MINK1: variants seen among roughly 807,000 people sequenced by gnomAD.
MINK1 encodes the protein misshapen-like kinase 1.
In MINK1, 46 loss-of-function variants were observed where a neutral mutation model predicts 178.4. That is an observed-to-expected ratio of 0.26 (90% CI 0.20 to 0.33). MINK1 has a LOEUF of 0.33. Among genes scored for constraint, MINK1 ranks in the 10% least tolerant of loss-of-function variants. The probability of loss-of-function intolerance (pLI) is 1.00; values close to 1 mark genes in which losing one functional copy is unlikely to be tolerated. For missense variants in MINK1, 1,366 were observed against 1,814.9 expected (o/e 0.75, Z 4.49); for synonymous variants, 797 against 709.7 (o/e 1.12, Z -1.96).
chr17:4,885,090 C>T lies in MINK1; in HGVS notation c.508+88C>T. 1.6e-6 allele frequency: 2 copies of T among 1,232,556 alleles called. No individual in the cohort carries two copies. Among genetic ancestry groups the T allele is most frequent in the South Asian group, 1.3e-5 (1 of 76,956 alleles). The allele number at this position is 1,232,556 out of a possible 1,614,324, so 76.4% of individuals were successfully genotyped here. ...CCCTTTTTCTCTCTGGTGGCTCAGG[C>T]CCAACTCCCTTCCTACTGGGGAGGC... On this transcript the variant is annotated intron_variant, in intron 6 of 31. Transcript: ENST00000355280. The surrounding 1 kb of genome is among the most constrained non-coding windows in gnomAD (Gnocchi z 5.0).
At position 4,893,495 on chromosome 17, in the gene MINK1, T is replaced by C. The variant is rs1320642869; in HGVS notation, c.2462T>C (p.Met821Thr). 1.9e-6 allele frequency: 3 copies of C among 1,599,976 alleles called. No individual in the cohort carries two copies. The highest frequency in any genetic ancestry group is 1.7e-6 in the Non-Finnish European group (2 of 1,169,306). Residue 821 changes from methionine to threonine, a missense_variant, in exon 21 of 32, where the codon ATG becomes ACG. Around this residue, in one of 14 missense-constraint regions of MINK1, gnomAD observed 709 missense variants for 692.3 expected, o/e 1.02. Coordinates refer to ENST00000355280, the MANE Select transcript of MINK1 (RefSeq NM_153827.5). ...DEAPRPPKKA[M>T]DYSSSSEEVE... ...GCCCCTCGGCCTCCCAAGAAGGCCA[T>C]GGACTACTCGTCGTCCAGCGAGGAG...
chr17:4,868,185 C>G (rs1390977932), intron 1 of MINK1, among the ~76,000 whole-genome samples: 1 of 152,164 alleles, frequency 6.6e-6, no homozygotes, highest in Non-Finnish European at 1.5e-5. Flanking sequence ...CCCAGTTGGC[C>G]AGGCTGGTCT....
At chr17:4,843,392 C>T (rs899872815) in intron 1 of MINK1, among the ~76,000 whole-genome samples, 1 of 151,744 alleles carries the variant, frequency 6.6e-6, no homozygotes, top group African/African-American at 2.4e-5. Flanking sequence ...GCAGGAGAAT[C>T]GCTTGAACTC....
In MINK1 at chr17:4,876,558, C is replaced by A. The variant is rs189717482; in HGVS notation, c.58-1759C>A. Reference sequence around the variant, plus strand: ...TCAGTGGATGAAGTGCTTTTATTGGCATGGATGTGGGCTTTTTTGGTCGTG... The same window carrying A: ...TCAGTGGATGAAGTGCTTTTATTGGAATGGATGTGGGCTTTTTTGGTCGTG... On this transcript the variant is annotated intron_variant, in intron 1 of 31. Coordinates refer to ENST00000355280, the MANE Select transcript of MINK1 (RefSeq NM_153827.5). Among the ~76,000 whole-genome samples the A allele has an allele frequency of 5.8e-4, 88 of 152,182 alleles. 3 individuals carry two copies. Among genetic ancestry groups the A allele is most frequent in the Admixed American group, 5.6e-3 (85 of 15,292 alleles).
At chr17:4,867,928 C>G (rs1268022868) in intron 1 of MINK1, among the ~76,000 whole-genome samples, 1 of 151,858 alleles carries the variant, frequency 6.6e-6, no homozygotes, top group Non-Finnish European at 1.5e-5. Flanking sequence ...CATCCATTAC[C>G]TCAAACGCTT....
chr17:4,891,815 C>CACAT (rs2151047771), intron 16 of MINK1, 99 bp downstream of exon 16: 1 of 1,437,600 alleles, frequency 7.0e-7, no homozygotes, highest in African/African-American at 1.4e-5. Flanking sequence ...GAGTGCAGGG[C>CACAT]GGGAAGCGAG....
rs771062148 is a variant in MINK1, at chr17:4,890,463, C to CT, written c.1348-53dup. The CT allele has an allele frequency of 4.5e-6, 7 of 1,538,980 alleles. No individual in the cohort carries two copies. The African/African-American group carries it at 6.9e-5, about 15-fold the overall frequency. ...GGAGAAAAGAGAGGGCATGCCTGCT[C>CT]TAACTCCCAGGGCCACACCCTGCTG... On this transcript the variant is annotated intron_variant, in intron 13 of 31. Coordinates refer to ENST00000355280, the MANE Select transcript of MINK1 (RefSeq NM_153827.5).
chr17:4,878,357 A>G lies in MINK1; in HGVS notation c.98A>G (p.Asn33Ser), dbSNP rs1260392806. The G allele has an allele frequency of 2.6e-6, 4 of 1,537,376 alleles. No homozygotes were observed. Among genetic ancestry groups the G allele is most frequent in the African/African-American group, 1.4e-5 (1 of 73,166 alleles). The change falls in exon 2 of 32, where the codon AAT becomes AGT. Residue 33 changes from asparagine (N) to serine (S), a missense_variant. Asn to Ser is a conservative substitution (Grantham distance 46). Coordinates refer to ENST00000355280, the MANE Select transcript of MINK1 (RefSeq NM_153827.5). Reference sequence around the variant, plus strand: ...TTTGAGCTTGTGGAGGTGGTCGGCAATGGAACCTACGGACAGGTGTACAAG... The same window carrying G: ...TTTGAGCTTGTGGAGGTGGTCGGCAGTGGAACCTACGGACAGGTGTACAAG... ...GIFELVEVVG[N>S]GTYGQVYKGR...
chr17:4,863,805 T>TTATTA (rs1486396685), intron 1 of MINK1, among the ~76,000 whole-genome samples: 2 of 107,382 alleles, frequency 1.9e-5, no homozygotes, highest in African/African-American at 6.2e-5. Flanking sequence ...TATTATTATT[T>TTATTA]TTGAGACGGA....
rs745574438 is a variant in MINK1, at chr17:4,896,492, C to G, written c.3679C>G (p.Leu1227Val). The G allele has an allele frequency of 1.2e-6, 2 of 1,613,826 alleles. No homozygotes were observed. Among genetic ancestry groups the G allele is most frequent in the African/African-American group, 1.3e-5 (1 of 74,900 alleles). Residue 1227 changes from leucine to valine, a missense_variant, in exon 30 of 32, where the codon CTG becomes GTG. Leu to Val is a conservative substitution (Grantham distance 32). Around this residue, in one of 14 missense-constraint regions of MINK1, gnomAD observed 201 missense variants for 240.7 expected, o/e 0.84. Coordinates refer to ENST00000355280, the MANE Select transcript of MINK1 (RefSeq NM_153827.5). The surrounding 1 kb of genome is among the most constrained non-coding windows in gnomAD (Gnocchi z 4.6). ...CCCCAACACCGACGGCATGGAGATG[C>G]TGCTGTGCTACGAGGACGAGGGTGT... ...FLPNTDGMEM[L>V]LCYEDEGVYV...
rs1264903267 is a variant in MINK1 at position 4,887,575 on chromosome 17, C to T, written c.1020-5C>T. On this transcript the variant is annotated splice_polypyrimidine_tract_variant and splice_region_variant and intron_variant, in intron 11 of 31. Coordinates refer to ENST00000355280, the MANE Select transcript of MINK1 (RefSeq NM_153827.5). The surrounding 1 kb of genome is among the most constrained non-coding windows in gnomAD (Gnocchi z 7.6). ...CCAGTGCTTCTTTGTGCCACCCCTG[C>T]CCAGCTCCATCATGAACGTGCCTGG... 1.3e-6 allele frequency: 2 copies of T among 1,512,684 alleles called. No individual in the cohort carries two copies. The highest frequency in any genetic ancestry group is 2.3e-5 in the Admixed American group (1 of 43,670). 93.7% of individuals were successfully genotyped at this position (1,512,684 alleles called of 1,614,324 possible).
At chr17:4,890,825 C>T (rs914516730) in intron 14 of MINK1, 90 bp downstream of exon 14, 3 of 1,513,502 alleles carry the variant, frequency 2.0e-6, no homozygotes, top group African/African-American at 1.4e-5. Context: ...CAGTAGCAGG[C>T]ACCAAGTAGG....
At position 4,891,031 on chromosome 17, in the gene MINK1, C is replaced by T. The variant is rs951629370; in HGVS notation, c.1647C>T (p.Pro549=). Residue 549 remains proline, a synonymous_variant, in exon 15 of 32, where the codon CCC becomes CCT. Transcript: ENST00000355280. The part of the protein sequence containing the change: ...KSKPGSTGPE[P]PIPQASPGPP... ...AGCCAGGCAGCACGGGGCCTGAGCC[C>T]CCCATCCCCCAGGCCTCCCCAGGGC... 1.1e-5 allele frequency: 17 copies of T among 1,557,252 alleles called. No individual in the cohort carries two copies. The highest frequency in any genetic ancestry group is 2.7e-5 in the African/African-American group (2 of 73,244).
chr17:4,837,597 T>A (rs529773579), intron 1 of MINK1, among the ~76,000 whole-genome samples: 1 of 152,248 alleles, frequency 6.6e-6, no homozygotes, highest in Non-Finnish European at 1.5e-5. Context: ...GAGAACCTTC[T>A]GACTTGGAAC....
chr17:4,880,280 G>A (rs554996717), intron 2 of MINK1, among the ~76,000 whole-genome samples: 24 of 151,624 alleles, frequency 1.6e-4, no homozygotes, highest in Admixed American at 1.4e-3. Flanking sequence ...ACAATGAGGG[G>A]TACTTGCTTT....
rs1034971368 is a variant in MINK1, at chr17:4,895,008, A to T, written c.2918-67A>T. The T allele has an allele frequency of 1.3e-6, 2 of 1,539,734 alleles. No individual in the cohort carries two copies. The highest frequency in any genetic ancestry group is 2.7e-5 in the African/African-American group (2 of 73,370). ...GAGGTGCCAAGACCTGATATAGGGG[A>T]TGGAGGTAAAAAGAGATGGGGTGAG... is the stretch of plus-strand genomic sequence containing the variant. On this transcript the variant is annotated intron_variant, in intron 24 of 31. Transcript: ENST00000355280. The surrounding 1 kb of genome is among the most constrained non-coding windows in gnomAD (Gnocchi z 4.3).
At position 4,857,161 on chromosome 17, in the gene MINK1, C is replaced by T. The variant is rs1913288405; in HGVS notation, c.58-21156C>T. The T allele has an allele frequency of 2.2e-5, 6 of 278,380 alleles. No homozygotes were observed. The South Asian group carries it at 2.3e-4, about 10-fold the overall frequency. The allele number at this position is 278,380 out of a possible 1,614,324, so 17.2% of individuals were successfully genotyped here. On this transcript the variant is annotated intron_variant, in intron 1 of 31. Coordinates refer to ENST00000355280, the MANE Select transcript of MINK1 (RefSeq NM_153827.5). ...TTCAGGGAGTTGGCAGGGGGGACAG[C>T]CGCCACTAGGCCATAGATGGTGATG...
chr17:4,875,780 T>A (rs1463612225), intron 1 of MINK1, among the ~76,000 whole-genome samples: 5 of 151,350 alleles, frequency 3.3e-5, no homozygotes, highest in Non-Finnish European at 7.4e-5. Context: ...TCAAAAAAAA[T>A]GAATAAATTT....
At chr17:4,850,404 T>G (rs1334870309) in intron 1 of MINK1, among the ~76,000 whole-genome samples, 3 of 152,102 alleles carry the variant, frequency 2.0e-5, no homozygotes, top group Non-Finnish European at 4.4e-5. Context: ...CAGCTGTAAT[T>G]TATCCTGGGT....
Sources: gnomAD v4.1 joint callset for allele counts (sites outside exome capture counted in the v4.1 genomes callset) on GRCh38, gnomAD v4.1.1 for gene constraint, gnomAD v4.1.1 regional missense constraint, Gnocchi (gnomAD v3.1) non-coding constraint, MANE v1.5 for transcripts, NCBI Gene and HGNC (gene_info 2026-07-23, HGNC 2026-07-21) for gene names.